CNTNAP2: variants seen among roughly 807,000 people sequenced by gnomAD.
CNTNAP2 encodes the protein contactin-associated protein-like 2.
A neutral mutation model predicts 155.2 loss-of-function variants in CNTNAP2; 98 were observed. That is an observed-to-expected ratio of 0.63 (90% CI 0.54 to 0.75). The LOEUF is 0.75. Among genes scored for constraint, CNTNAP2 ranks in the 30% least tolerant of loss-of-function variants. The pLI, the probability that CNTNAP2 is intolerant of heterozygous loss-of-function variation, is 0.00. For missense variants in CNTNAP2, 1,727 were observed against 1,688.1 expected, an observed-to-expected ratio of 1.02 and a Z score of -0.40; for synonymous variants, 651 against 631.2, an observed-to-expected ratio of 1.03 and a Z score of -0.47.
chr7:146,829,753 G>A (rs1282498635), intron 2 of CNTNAP2, among the ~76,000 whole-genome samples: 3 of 151,886 alleles, frequency 2.0e-5, no homozygotes, highest in Non-Finnish European at 2.9e-5. Context: ...TTAACTTTCT[G>A]TTATAAAGCT....
chr7:147,276,589 G>T (rs1404071197), intron 8 of CNTNAP2, among the ~76,000 whole-genome samples: 1 of 151,860 alleles, frequency 6.6e-6, no homozygotes, highest in African/African-American at 2.4e-5. Flanking sequence ...GGAATGTAAT[G>T]GTTTTAATGC....
At chr7:146,673,827 C>T (rs1800349943) in intron 1 of CNTNAP2, among the ~76,000 whole-genome samples, 1 of 152,182 alleles carries the variant, frequency 6.6e-6, no homozygotes, top group Non-Finnish European at 1.5e-5. Flanking sequence ...AAGAGATCTT[C>T]CCACCCCAGC....
chr7:148,157,673 A>T (rs763432372), intron 17 of CNTNAP2, among the ~76,000 whole-genome samples: 9 of 151,836 alleles, frequency 5.9e-5, no homozygotes, highest in Non-Finnish European at 1.0e-4. Context: ...CCTGATATCA[A>T]ATTGGGGTCT....
At chr7:147,207,456 T>C (rs1253755249) in intron 8 of CNTNAP2, among the ~76,000 whole-genome samples, 3 of 152,126 alleles carry the variant, frequency 2.0e-5, no homozygotes, top group Non-Finnish European at 4.4e-5. Context: ...ATGTAGTTCA[T>C]AAAGCAGTAG....
At chr7:146,482,817 GAATA>G (rs1796983757) in intron 1 of CNTNAP2, among the ~76,000 whole-genome samples, 1 of 151,780 alleles carries the variant, frequency 6.6e-6, no homozygotes, top group Admixed American at 6.6e-5. Flanking sequence ...GACCTTGATT[GAATA>G]AATAGATATC....
intron 3 of CNTNAP2, among the ~76,000 whole-genome samples, chr7:146,937,162 C>T (rs1435938840): frequency 4.0e-5 from 6 of 151,614 alleles, no homozygotes; most frequent in African/African-American, 1.5e-4. Flanking sequence ...CCAAGGCAGG[C>T]GGATCACGAG....
intron 1 of CNTNAP2, among the ~76,000 whole-genome samples, chr7:146,626,501 C>T (rs369562541): frequency 6.6e-6 from 1 of 152,048 alleles, no homozygotes; most frequent in Admixed American, 6.6e-5. Flanking sequence ...CTTAGAGTTA[C>T]TAATTTTACT....
chr7:148,001,452 A>C (rs926199590), intron 15 of CNTNAP2, among the ~76,000 whole-genome samples: 5 of 152,116 alleles, frequency 3.3e-5, no homozygotes, highest in Admixed American at 1.3e-4. Flanking sequence ...TAGCACTTTC[A>C]CTGTTACTCA....
At chr7:146,578,417 A>T (rs1435967342) in intron 1 of CNTNAP2, among the ~76,000 whole-genome samples, 1 of 152,158 alleles carries the variant, frequency 6.6e-6, no homozygotes, top group East Asian at 1.9e-4. Context: ...CATGTTGTTC[A>T]TCCTCAGCTC....
chr7:146,171,022 G>A (rs985263552), intron 1 of CNTNAP2, among the ~76,000 whole-genome samples: 7 of 149,544 alleles, frequency 4.7e-5, no homozygotes, highest in African/African-American at 7.4e-5. Flanking sequence ...GCGAGACTCC[G>A]TCTAAAAATA....
intron 5 of CNTNAP2, among the ~76,000 whole-genome samples, chr7:147,119,311 CAA>C (rs1196899721): frequency 4.6e-5 from 7 of 151,884 alleles, no homozygotes; most frequent in Non-Finnish European, 7.4e-5. Flanking sequence ...GTGACCTTAC[CAA>C]AAAAAGTTTA....
intron 13 of CNTNAP2, among the ~76,000 whole-genome samples, chr7:147,868,203 G>A (rs7786193): frequency 0.054 from 8,235 of 152,152 alleles, 749 homozygotes; most frequent in African/African-American, 0.19. Context: ...TAATAGTCAG[G>A]TCCCTCAGCT....
chr7:147,409,974 C>T (rs1182596313), intron 10 of CNTNAP2, among the ~76,000 whole-genome samples: 1 of 152,148 alleles, frequency 6.6e-6, no homozygotes, highest in Non-Finnish European at 1.5e-5. Context: ...ATTAGTTCAA[C>T]CATTGTGGAA....
At chr7:147,906,722 A>C (rs1200812984) in intron 14 of CNTNAP2, among the ~76,000 whole-genome samples, 1 of 152,108 alleles carries the variant, frequency 6.6e-6, no homozygotes, top group Non-Finnish European at 1.5e-5. Context: ...GGCCTCCCAA[A>C]GTGCTGGGAT....
At chr7:148,326,449 C>A (rs893856696) in intron 21 of CNTNAP2, among the ~76,000 whole-genome samples, 1 of 152,152 alleles carries the variant, frequency 6.6e-6, no homozygotes, top group African/African-American at 2.4e-5. Context: ...TACCATCTGC[C>A]CTTCCATCTT....
rs902001071 is a variant in CNTNAP2, at chr7:147,414,716, C to T, written c.1670+18936C>T. On this transcript the variant is annotated intron_variant, in intron 10 of 23. Coordinates refer to ENST00000361727, the MANE Select transcript of CNTNAP2 (RefSeq NM_014141.6). ...CAGCACTTTGGGAGGCCAAGGTGGG[C>T]GGATCACGAGGTCAGGAGATCGAGA... Among the ~76,000 whole-genome samples, 42 of 151,658 alleles carry T rather than the reference C, an allele frequency of 2.8e-4. 1 individual carries two copies. Among genetic ancestry groups the T allele is most frequent in the African/African-American group, 5.1e-4 (21 of 41,328 alleles).
At position 148,097,492 on chromosome 7, in the gene CNTNAP2, T is replaced by TG. The variant is rs574883083; in HGVS notation, c.2384-20619dup. Among the ~76,000 whole-genome samples the TG allele has an allele frequency of 1.2e-4, 18 of 152,090 alleles. No individual in the cohort carries two copies. In the South Asian group the frequency reaches 2.1e-3, roughly 18 times the overall value. On this transcript the variant is annotated intron_variant, in intron 15 of 23. Transcript: ENST00000361727. ...ATATCATTTTTAAGCTACTCTTTTT[T>TG]GGGGGGGCGGGGCACGGAGTCTTGC...
intron 1 of CNTNAP2, among the ~76,000 whole-genome samples, chr7:146,368,856 A>C (rs1795191480): frequency 6.7e-6 from 1 of 150,336 alleles, no homozygotes; most frequent in African/African-American, 2.4e-5. Flanking sequence ...ATACATATAT[A>C]TATATATATA....
At position 147,332,172 on chromosome 7, in the gene CNTNAP2, C is replaced by G. The variant is rs76935082; in HGVS notation, c.1498+31882C>G. Among the ~76,000 whole-genome samples, 1,096 of 152,078 alleles carry G rather than the reference C, an allele frequency of 7.2e-3. 23 individuals carry two copies. The highest frequency in any genetic ancestry group is 0.062 in the Admixed American group (945 of 15,288). On this transcript the variant is annotated intron_variant, in intron 9 of 23. Transcript: ENST00000361727. ...TTACCTCACATTAATGAAGAAGGGC[C>G]AAGAACACGGGAAATAATAGCCGTA... is the stretch of plus-strand genomic sequence containing the variant.
Sources: gnomAD v4.1 joint callset for allele counts (sites outside exome capture counted in the v4.1 genomes callset) on GRCh38, gnomAD v4.1.1 for gene constraint, MANE v1.5 for transcripts, NCBI Gene and HGNC (gene_info 2026-07-23, HGNC 2026-07-21) for gene names.